The following ROBO1 variants were observed in gnomAD, a reference collection of about 807,000 sequenced individuals.
The protein encoded by ROBO1 is roundabout homolog 1.
A neutral mutation model predicts 195.9 loss-of-function variants in ROBO1; 149 were observed. The observed-to-expected ratio is 0.76, with a 90% CI of 0.67 to 0.87. The LOEUF is 0.87. ROBO1 is among the 40% of genes least tolerant of loss of function. ROBO1 has a pLI of 0.00. For synonymous variants in ROBO1, 816 were observed against 733.2 expected, an observed-to-expected ratio of 1.11 and a Z score of -1.82; for missense variants, 1,933 against 2,068.3, an observed-to-expected ratio of 0.93 and a Z score of 1.27.
intron 2 of ROBO1, among the ~76,000 whole-genome samples, chr3:79,510,687 A>T (rs1940658096): frequency 6.6e-6 from 1 of 152,048 alleles, no homozygotes; most frequent in African/African-American, 2.4e-5. Context: ...TTGGGAGAAA[A>T]AATATGTGTA....
chr3:78,971,741 AT>A (rs563155914), intron 3 of ROBO1, among the ~76,000 whole-genome samples: 15 of 151,370 alleles, frequency 9.9e-5, no homozygotes, highest in East Asian at 5.9e-4. Context: ...TCTTTTAAAT[AT>A]TTTTTTTGTT....
chr3:79,363,358 A>G (rs953788703), intron 2 of ROBO1, among the ~76,000 whole-genome samples: 1 of 152,228 alleles, frequency 6.6e-6, no homozygotes, highest in Non-Finnish European at 1.5e-5. Context: ...CAAAACATGA[A>G]GAAAGAAAGA....
chr3:78,959,576 G>C (rs2041232126), intron 3 of ROBO1, among the ~76,000 whole-genome samples: 1 of 152,108 alleles, frequency 6.6e-6, no homozygotes, highest in South Asian at 2.1e-4. Flanking sequence ...ATAGATTGTA[G>C]ATAGAAGCCC....
At chr3:79,201,796 C>T (rs1268983299) in intron 2 of ROBO1, among the ~76,000 whole-genome samples, 8 of 151,458 alleles carry the variant, frequency 5.3e-5, no homozygotes, top group African/African-American at 1.7e-4. Flanking sequence ...GCACTTAGCA[C>T]CTAATAAATA....
At chr3:79,101,417 A>G (rs2079673434) in intron 3 of ROBO1, among the ~76,000 whole-genome samples, 1 of 151,832 alleles carries the variant, frequency 6.6e-6, no homozygotes, top group Non-Finnish European at 1.5e-5. Flanking sequence ...GCCATATAAC[A>G]GTAATTTGAG....
At position 78,759,716 on chromosome 3, in the gene ROBO1, C is replaced by G. The variant is rs545445373; in HGVS notation, c.500-12816G>C. On this transcript the variant is annotated intron_variant, in intron 4 of 30. Transcript: ENST00000464233. ...TTGTTGTTTGTTAATTATTGTAACA[C>G]AGTTCATTGCTTTGAAATAAGGAAC... is the stretch of plus-strand genomic sequence containing the variant. Among the ~76,000 whole-genome samples the G allele has an allele frequency of 2.0e-5, 3 of 152,258 alleles. No individual in the cohort carries two copies. In the South Asian group the frequency reaches 6.2e-4, roughly 32 times the overall value.
At chr3:79,039,661 GGCACAT>G (rs1463978668) in intron 3 of ROBO1, among the ~76,000 whole-genome samples, 1 of 151,900 alleles carries the variant, frequency 6.6e-6, no homozygotes, top group African/African-American at 2.4e-5. Context: ...TGGACATGGT[GGCACAT>G]GCCTGTAATC....
In ROBO1 at chr3:79,010,237, A is replaced by G. The variant is rs1453080747; in HGVS notation, c.173-71310T>C. Among the ~76,000 whole-genome samples the G allele has an allele frequency of 2.0e-5, 3 of 152,160 alleles. No homozygotes were observed. In the East Asian group the frequency reaches 5.8e-4, roughly 29 times the overall value. On this transcript the variant is annotated intron_variant, in intron 3 of 30. Coordinates refer to ENST00000464233, the MANE Select transcript of ROBO1 (RefSeq NM_002941.4). ...CTACATTCATTATCTTTAAGGGAAT[A>G]GTATAGTGTGTTTGTAGAATTGTGA...
At chr3:79,018,397 G>A in intron 3 of ROBO1, 1 of 1,613,834 alleles carries the variant, frequency 6.2e-7, no homozygotes, top group South Asian at 1.1e-5. Context: ...GAAAGAAGAC[G>A]CGGGGTTACC....
At chr3:78,852,828 G>T (rs2034153210) in intron 4 of ROBO1, among the ~76,000 whole-genome samples, 1 of 152,160 alleles carries the variant, frequency 6.6e-6, no homozygotes, top group Non-Finnish European at 1.5e-5. Context: ...AAGGGATGAA[G>T]TATATAGGCA....
At position 79,494,693 on chromosome 3, in the gene ROBO1, A is replaced by G. The variant is rs139786613; in HGVS notation, c.88+95131T>C. ...TAGTAAAGAAAGCACTTTTGGCATT[A>G]ACATAATTGGTTTCCACAAAAAAAG... On this transcript the variant is annotated intron_variant, in intron 2 of 30. Transcript: ENST00000464233. Among the ~76,000 whole-genome samples, 421 of 152,314 alleles carry G rather than the reference A, an allele frequency of 2.8e-3. 10 individuals are homozygous for G. In the East Asian group the frequency reaches 0.069, roughly 25 times the overall value.
chr3:79,538,207 C>A (rs1026522866), intron 2 of ROBO1, among the ~76,000 whole-genome samples: 1 of 152,066 alleles, frequency 6.6e-6, no homozygotes, highest in Non-Finnish European at 1.5e-5. Flanking sequence ...ATATGTAACA[C>A]TTTTGTGTCT....
At chr3:79,122,554 G>C (rs2080138953) in intron 3 of ROBO1, among the ~76,000 whole-genome samples, 2 of 151,898 alleles carry the variant, frequency 1.3e-5, no homozygotes, top group South Asian at 2.1e-4. Flanking sequence ...TATTATGAGA[G>C]ATTATCATTT....
At chr3:78,733,093 T>C (rs778298720) in intron 5 of ROBO1, among the ~76,000 whole-genome samples, 2 of 152,288 alleles carry the variant, frequency 1.3e-5, no homozygotes, top group African/African-American at 2.4e-5. Flanking sequence ...AACAAAAGAA[T>C]TGCAGAATCA....
At chr3:78,803,585 C>T (rs1056371832) in intron 4 of ROBO1, among the ~76,000 whole-genome samples, 1 of 152,026 alleles carries the variant, frequency 6.6e-6, no homozygotes, top group Non-Finnish European at 1.5e-5. Context: ...TTCTAAACAA[C>T]ATTTTTAAAG....
Position 78,717,743 on chromosome 3 carries a change from T to C in ROBO1, c.778+20A>G, listed in dbSNP as rs2081938201. The C allele has an allele frequency of 1.9e-6, 3 of 1,608,710 alleles. No individual in the cohort carries two copies. The highest frequency in any genetic ancestry group is 2.7e-5 in the African/African-American group (2 of 74,644). On this transcript the variant is annotated intron_variant, in intron 6 of 30. Transcript: ENST00000464233. Reference sequence around the variant, plus strand: ...AGAGATCTATTTTTCAATGAGAAGATTAAATAAAATTACACTTACCTAAGA... The same window carrying C: ...AGAGATCTATTTTTCAATGAGAAGACTAAATAAAATTACACTTACCTAAGA...
intron 5 of ROBO1, among the ~76,000 whole-genome samples, chr3:78,737,963 G>C (rs1355599346): frequency 6.6e-6 from 1 of 152,134 alleles, no homozygotes. Flanking sequence ...TAACTTCTTA[G>C]GGAAAAGGGG....
chr3:78,612,609 TATA>T (rs1269282312), intron 28 of ROBO1, among the ~76,000 whole-genome samples: 1 of 152,234 alleles, frequency 6.6e-6, no homozygotes, highest in Non-Finnish European at 1.5e-5. Flanking sequence ...GGGATATGTA[TATA>T]ATAAGACACA....
At chr3:79,053,532 T>C (rs1193136156) in intron 3 of ROBO1, among the ~76,000 whole-genome samples, 4 of 151,810 alleles carry the variant, frequency 2.6e-5, no homozygotes, top group African/African-American at 9.7e-5. Flanking sequence ...CCCTCCCCCA[T>C]CCACTTCAGC....
Sources: allele counts gnomAD v4.1 joint callset (sites outside exome capture counted in the v4.1 genomes callset), GRCh38; gene constraint gnomAD v4.1.1; transcripts MANE v1.5; gene names NCBI Gene and HGNC (gene_info 2026-07-23, HGNC 2026-07-21).